Variants in TRIM21 observed in about 807,000 individuals in gnomAD.
TRIM21 encodes tripartite motif containing 21, also known as E3 ubiquitin-protein ligase TRIM21.
TRIM21 carries 35 observed loss-of-function variants against 36.1 expected under a neutral mutation model. The observed-to-expected ratio is 0.97, with a 90% CI of 0.74 to 1.28. TRIM21 has a LOEUF of 1.28. Among genes scored for constraint, TRIM21 ranks in the 50% most tolerant of loss-of-function variants. TRIM21 has a pLI of 0.00. For missense variants in TRIM21, 635 were observed against 570.7 expected (o/e 1.11, Z -1.15); for synonymous variants, 256 against 211.5 (o/e 1.21, Z -1.83).
intron 1 of TRIM21, among the ~76,000 whole-genome samples, chr11:4,391,163 G>A (rs564806520): frequency 6.6e-6 from 1 of 151,990 alleles, no homozygotes; most frequent in Non-Finnish European, 1.5e-5. Flanking sequence ...GTAAATATTT[G>A]TAAACTATCC....
rs1376708185 is a variant in TRIM21, at chr11:4,388,428, C to G, written c.607G>C (p.Asp203His). The G allele has an allele frequency of 6.2e-7, 1 of 1,613,924 alleles. No individual in the cohort carries two copies. Reference protein sequence around the residue: ...EQRQLQELEKDEREQLRILGE... With the variant: ...EQRQLQELEKHEREQLRILGE... ...AGGATTCTCAGCTGCTCCCTCTCAT[C>G]CTTCTCCAGCTCCTGCAGCTGCCTC... Residue 203 changes from aspartate to histidine, a missense_variant, in exon 4 of 7, where the codon GAT becomes CAT. Physicochemically the swap from Asp to His is moderately conservative, Grantham distance 81 (BLOSUM62 -1). Transcript: ENST00000254436.
intron 5 of TRIM21, 43 bp from the exon 6 acceptor site, chr11:4,386,300 C>A (rs774581041): frequency 6.7e-7 from 1 of 1,501,574 alleles, no homozygotes; most frequent in African/African-American, 1.4e-5. Context: ...CTACTCCTAT[C>A]CCAAACCCTA....
At chr11:4,391,321 C>G (rs1302653866) in intron 1 of TRIM21, among the ~76,000 whole-genome samples, 5 of 152,276 alleles carry the variant, frequency 3.3e-5, no homozygotes, top group Admixed American at 2.0e-4. Context: ...GGCATATGAA[C>G]AGTTGCTCAA....
chr11:4,391,007 T>C (rs888557804), intron 1 of TRIM21, among the ~76,000 whole-genome samples: 1 of 93,662 alleles, frequency 1.1e-5, no homozygotes, highest in African/African-American at 3.5e-5. Context: ...TCTAGGACAT[T>C]GGACTGGGCA....
chr11:4,387,672 A>G (rs1186416026), intron 4 of TRIM21, among the ~76,000 whole-genome samples: 1 of 152,096 alleles, frequency 6.6e-6, no homozygotes, highest in East Asian at 1.9e-4. Context: ...CCTGACCAAC[A>G]TGGAGAAATC....
rs773361209 is a variant in TRIM21, at chr11:4,390,092, A to G, written c.318T>C (p.Asp106=). 3.7e-6 allele frequency: 6 copies of G among 1,613,976 alleles called. No individual in the cohort carries two copies. Among genetic ancestry groups the G allele is most frequent in the East Asian group, 2.2e-5 (1 of 44,870 alleles). ...GERLHLFCEK[D]GKALCWVCAQ... ...CACATACCCAGCAAAGGGCCTTCCCATCTTTCTCACAGAACAGGTGAAGTC... is the reference window on the plus strand; with the variant it reads ...CACATACCCAGCAAAGGGCCTTCCCGTCTTTCTCACAGAACAGGTGAAGTC... Residue 106 remains aspartate (D), a synonymous_variant, in exon 2 of 7, where the codon GAT becomes GAC. Transcript: ENST00000254436.
rs1439387038 is a variant in TRIM21 at position 4,385,724 on chromosome 11, A to G, written c.989T>C (p.Met330Thr). The G allele has an allele frequency of 6.2e-7, 1 of 1,613,300 alleles. No homozygotes were observed. Among genetic ancestry groups the G allele is most frequent in the Admixed American group, 1.7e-5 (1 of 59,908 alleles). The change falls in exon 7 of 7, where the codon ATG becomes ACG. Residue 330 changes from methionine to threonine, a missense_variant. Coordinates refer to ENST00000254436, the MANE Select transcript of TRIM21 (RefSeq NM_003141.4). ...GTGAAAGTGCTGGGCACCCAGGACCATAGGATAACTATCAAATCTCTCTTC... is the reference window on the plus strand; with the variant it reads ...GTGAAAGTGCTGGGCACCCAGGACCGTAGGATAACTATCAAATCTCTCTTC... ...GNEERFDSYP[M>T]VLGAQHFHSG...
intron 6 of TRIM21, 117 bp downstream of exon 6, chr11:4,386,040 A>T (rs1326285461): frequency 3.6e-6 from 4 of 1,125,694 alleles, no homozygotes; most frequent in Admixed American, 4.1e-5. Context: ...CCTTACCTCC[A>T]TCTCTGTTCC....
intron 5 of TRIM21, 132 bp downstream of exon 5, chr11:4,386,836 G>T: frequency 3.4e-6 from 3 of 885,260 alleles, no homozygotes; most frequent in South Asian, 1.7e-5. Flanking sequence ...ATTTTATAGA[G>T]AATGAAGTTT....
rs765947685 is a variant in TRIM21 at position 4,390,438 on chromosome 11, G to A, written c.-29C>T. 2.5e-6 allele frequency: 4 copies of A among 1,584,952 alleles called. No individual in the cohort carries two copies. In the East Asian group the frequency reaches 9.0e-5, roughly 36 times the overall value. The stretch of plus-strand genomic sequence containing the variant: ...CAAGTGTGCCGTTAAACAGCAGTGT[G>A]GAGACCTTTAGGGGGTTTGGCTGGG... On this transcript the variant is annotated 5_prime_UTR_variant, in exon 2 of 7. Transcript: ENST00000254436.
At position 4,386,141 on chromosome 11, in the gene TRIM21, C is replaced by G; in HGVS notation, c.859+16G>C. On this transcript the variant is annotated intron_variant, in intron 6 of 6. Coordinates refer to ENST00000254436, the MANE Select transcript of TRIM21 (RefSeq NM_003141.4). Reference sequence around the variant, plus strand: ...CTGCACCCCATTATCCCCCGCAAAACTAGAACTTGCCTCACCTGCACATGT... The same window carrying G: ...CTGCACCCCATTATCCCCCGCAAAAGTAGAACTTGCCTCACCTGCACATGT... The G allele has an allele frequency of 6.2e-7, 1 of 1,612,042 alleles. No homozygotes were observed. The highest frequency in any genetic ancestry group is 1.3e-5 in the African/African-American group (1 of 74,992).
rs567494115 is a variant in TRIM21, at chr11:4,385,160, C to T, written c.*125G>A. On this transcript the variant is annotated 3_prime_UTR_variant, in exon 7 of 7. Coordinates refer to ENST00000254436, the MANE Select transcript of TRIM21 (RefSeq NM_003141.4). ...GTGAAGTGACTTCCCTGCTAAAGCT[C>T]GCTTGCTGGGATCCGGATGCCTCTG... 1.3e-4 allele frequency: 121 copies of T among 919,648 alleles called. No homozygotes were observed. The African/African-American group carries it at 1.3e-3, about 10-fold the overall frequency. 57.0% of individuals were successfully genotyped at this position (919,648 alleles called of 1,614,324 possible).
rs1331877094 is a variant in TRIM21, at chr11:4,388,461, C to G, written c.574G>C (p.Glu192Gln). The G allele has an allele frequency of 1.2e-6, 2 of 1,613,644 alleles. No homozygotes were observed. Among genetic ancestry groups the G allele is most frequent in the South Asian group, 2.2e-5 (2 of 91,084 alleles). ...FVQQKNFLVE[E>Q]EQRQLQELEK... is the part of the protein sequence containing the mutation. Reference sequence around the variant, plus strand: ...AGCTCCTGCAGCTGCCTCTGTTCTTCTTCAACCAGGAAGTTTTTTTGCTGC... The same window carrying G: ...AGCTCCTGCAGCTGCCTCTGTTCTTGTTCAACCAGGAAGTTTTTTTGCTGC... The change falls in exon 4 of 7, where the codon GAA (glutamate) becomes CAA (glutamine). Residue 192 changes from glutamate to glutamine, a missense_variant. By Grantham distance (29) the Glu-to-Gln change is conservative. Transcript: ENST00000254436.
At chr11:4,389,779 C>G (rs1285929689) in intron 2 of TRIM21, 30 bp from the exon 3 acceptor site, 1 of 1,601,174 alleles carries the variant, frequency 6.2e-7, no homozygotes, top group Non-Finnish European at 8.6e-7. Context: ...ATTCGTCCCC[C>G]ATGCAAACCA....
Position 4,385,067 on chromosome 11 carries a change from G to T in TRIM21, c.*218C>A. 1.9e-6 allele frequency: 1 copy of T among 527,114 alleles called. No individual in the cohort carries two copies. Among genetic ancestry groups the T allele is most frequent in the Non-Finnish European group, 3.3e-6 (1 of 301,018 alleles). 32.7% of individuals were successfully genotyped at this position (527,114 alleles called of 1,614,324 possible). A position where few individuals can be genotyped will look rare whatever the true frequency, so the allele number is the denominator to read the frequency against. ...GTTTTTGGTTGATCAAGATGAGTTT[G>T]GGCCAAATATAAGGAGGCTGCTTCA... On this transcript the variant is annotated 3_prime_UTR_variant, in exon 7 of 7. Coordinates refer to ENST00000254436, the MANE Select transcript of TRIM21 (RefSeq NM_003141.4).
At chr11:4,388,216 A>G in intron 4 of TRIM21, 84 bp downstream of exon 4, 1 of 1,219,482 alleles carries the variant, frequency 8.2e-7, no homozygotes, top group Non-Finnish European at 1.1e-6. Flanking sequence ...CCAGGTGTCC[A>G]TTTATTCAAA....
chr11:4,385,542 C>T lies in TRIM21; in HGVS notation c.1171G>A (p.Gly391Ser). 3 of 1,612,006 alleles carry T rather than the reference C, an allele frequency of 1.9e-6. No individual in the cohort carries two copies. Among genetic ancestry groups the T allele is most frequent in the Non-Finnish European group, 1.7e-6 (2 of 1,179,050 alleles). The change falls in exon 7 of 7, where the codon GGC becomes AGC. Residue 391 changes from glycine (G) to serine (S), a missense_variant. Physicochemically the swap from Gly to Ser is moderately conservative, Grantham distance 56. Coordinates refer to ENST00000254436, the MANE Select transcript of TRIM21 (RefSeq NM_003141.4). ...TGGAGGGGAGTCTGGGGGTAGGTGCCAGCCTCATATTTTTGTTTGTTCCAC... is the reference window on the plus strand; with the variant it reads ...TGGAGGGGAGTCTGGGGGTAGGTGCTAGCCTCATATTTTTGTTTGTTCCAC... ...WLWNKQKYEA[G>S]TYPQTPLHLQ... is the part of the protein sequence containing the mutation.
chr11:4,387,455 C>G (rs2094957473), intron 4 of TRIM21, among the ~76,000 whole-genome samples: 1 of 152,144 alleles, frequency 6.6e-6, no homozygotes, highest in Non-Finnish European at 1.5e-5. Flanking sequence ...AATGTTGCCT[C>G]TTCCTGTATG....
At chr11:4,388,100 A>G (rs1341997519) in intron 4 of TRIM21, among the ~76,000 whole-genome samples, 200 bp downstream of exon 4, 1 of 152,226 alleles carries the variant, frequency 6.6e-6, no homozygotes, top group Non-Finnish European at 1.5e-5. Context: ...TGCAACATAA[A>G]TTGATTTTTA....
Sources: gnomAD v4.1 joint callset for allele counts (sites outside exome capture counted in the v4.1 genomes callset) on GRCh38, gnomAD v4.1.1 for gene constraint, MANE v1.5 for transcripts, NCBI Gene and HGNC (gene_info 2026-07-23, HGNC 2026-07-21) for gene names.